Variants in ZNF805 observed in about 807,000 individuals in gnomAD.
ZNF805 encodes CTC-444N24.8.
Under a neutral mutation model 13.6 loss-of-function variants are expected in ZNF805, and 7 were observed. The ratio of observed to expected loss-of-function variants is 0.51; its 90% CI spans 0.29 to 0.97. The LOEUF (loss-of-function observed/expected upper bound fraction) is 0.97. Among genes scored for constraint, ZNF805 ranks in the 50% least tolerant of loss-of-function variants. The probability of loss-of-function intolerance (pLI) is 0.08; values close to 1 mark genes in which losing one functional copy is unlikely to be tolerated. For missense variants in ZNF805, 604 were observed against 771.0 expected, an observed-to-expected ratio of 0.78 and a Z score of 2.57; for synonymous variants, 293 against 279.8, an observed-to-expected ratio of 1.05 and a Z score of -0.47.
rs180741766 is a variant in ZNF805 at position 57,240,996 on chromosome 19, G to C, written c.30+75G>C. On this transcript the variant is annotated intron_variant, in intron 1 of 3. Coordinates refer to ENST00000414468, the MANE Select transcript of ZNF805 (RefSeq NM_001023563.4). ...GCCTCCTGGGCAGGCCGGAAGCCAAGACAGCCACAGGATTCCTCTTTGTAG... is the reference window on the plus strand; with the variant it reads ...GCCTCCTGGGCAGGCCGGAAGCCAACACAGCCACAGGATTCCTCTTTGTAG... 2.6e-3 allele frequency: 3,857 copies of C among 1,474,098 alleles called. 99 individuals carry two copies. The African/African-American group carries it at 0.049, about 19-fold the overall frequency. The allele number at this position is 1,474,098 out of a possible 1,614,324, so 91.3% of individuals were successfully genotyped here. A position where few individuals can be genotyped will look rare whatever the true frequency, so the allele number is the denominator to read the frequency against.
chr19:57,248,940 G>A (rs548565627), intron 3 of ZNF805, among the ~76,000 whole-genome samples: 50 of 152,282 alleles, frequency 3.3e-4, no homozygotes, highest in Admixed American at 1.5e-3. Flanking sequence ...CTTGTGTGCC[G>A]GAACCCTGGT....
chr19:57,247,249 G>A (rs377698725), intron 2 of ZNF805, among the ~76,000 whole-genome samples: 30 of 152,186 alleles, frequency 2.0e-4, no homozygotes, highest in African/African-American at 4.6e-4. Context: ...TTAATGGTTC[G>A]TGAAATGCTG....
rs533784856 is a variant in ZNF805, at chr19:57,259,663, T to C, written c.*4960T>C. ...CTGGGACTACAGGTGCCCGCCACCA[T>C]GCCCGGCTAATTTTTTGTATTTTTA... On this transcript the variant is annotated 3_prime_UTR_variant, in exon 4 of 4. Transcript: ENST00000414468. Among the ~76,000 whole-genome samples, 4 of 152,190 alleles carry C rather than the reference T, an allele frequency of 2.6e-5. No homozygotes were observed. Among genetic ancestry groups the C allele is most frequent in the Non-Finnish European group, 5.9e-5 (4 of 67,982 alleles).
chr19:57,260,569 C>G lies in ZNF805; in HGVS notation c.*5866C>G, dbSNP rs2087718229. On this transcript the variant is annotated 3_prime_UTR_variant, in exon 4 of 4. Coordinates refer to ENST00000414468, the MANE Select transcript of ZNF805 (RefSeq NM_001023563.4). ...CTTCTGTGAATTCCTGGCTTTTTTCCTTTTTAGGGTCTGTGTCTTTCTTCC... is the reference window on the plus strand; with the variant it reads ...CTTCTGTGAATTCCTGGCTTTTTTCGTTTTTAGGGTCTGTGTCTTTCTTCC... Among the ~76,000 whole-genome samples the G allele has an allele frequency of 6.6e-6, 1 of 152,066 alleles. No individual in the cohort carries two copies. Among genetic ancestry groups the G allele is most frequent in the African/African-American group, 2.4e-5 (1 of 41,408 alleles).
In ZNF805 at chr19:57,243,985, C is replaced by A. The variant is rs1174286905; in HGVS notation, c.93C>A (p.Asp31Glu). Reference protein sequence around the residue: ...TFTQEEWGQLDLAQRTLYQEV... With the variant: ...TFTQEEWGQLELAQRTLYQEV... ...CCCAGGAGGAGTGGGGCCAGCTGGA[C>A]CTAGCTCAGCGGACCCTGTACCAGG... Residue 31 changes from aspartate (D) to glutamate (E), a missense_variant, in exon 2 of 4, where the codon GAC becomes GAA. Physicochemically the swap from Asp to Glu is conservative, Grantham distance 45. Coordinates refer to ENST00000414468, the MANE Select transcript of ZNF805 (RefSeq NM_001023563.4). 1 of 1,614,128 alleles carries A rather than the reference C, an allele frequency of 6.2e-7. No individual in the cohort carries two copies. The highest frequency in any genetic ancestry group is 8.5e-7 in the Non-Finnish European group (1 of 1,180,016).
rs2087634974 is a variant in ZNF805 at position 57,248,837 on chromosome 19, G to A, written c.253+137G>A. ...TGGGAGCCTTGGAGCCCTTTAACCT[G>A]TGGTTTCTCCGTCCTCCCAGCCCCA... On this transcript the variant is annotated intron_variant, in intron 3 of 3. Transcript: ENST00000414468. 3 of 816,214 alleles carry A rather than the reference G, an allele frequency of 3.7e-6. No homozygotes were observed. The Admixed American group carries it at 6.8e-5, about 19-fold the overall frequency. 50.6% of individuals were successfully genotyped at this position (816,214 alleles called of 1,614,324 possible).
intron 2 of ZNF805, among the ~76,000 whole-genome samples, chr19:57,244,259 T>G (rs35658377): frequency 0.47 from 66,458 of 142,438 alleles, 16,014 homozygotes; most frequent in Non-Finnish European, 0.53. Flanking sequence ...GCTGGATGCA[T>G]TAGCACGAAC....
chr19:57,254,685 A>G lies in ZNF805; in HGVS notation c.1866A>G (p.Pro622=), dbSNP rs2087676446. Residue 622 remains proline (P), a synonymous_variant, in exon 4 of 4, where the codon CCA becomes CCG. Transcript: ENST00000414468. ...ATCGTACATACCAAAGAGAAACCCC[A>G]CAAGTGTCTTCACTGTGAGAAAACC... ...ASDRTYQRET[P]QVSSL 1 of 1,610,756 alleles carries G rather than the reference A, an allele frequency of 6.2e-7. No homozygotes were observed. Among genetic ancestry groups the G allele is most frequent in the Non-Finnish European group, 8.5e-7 (1 of 1,178,386 alleles).
chr19:57,244,199 C>A, intron 2 of ZNF805, 150 bp downstream of exon 2: 1 of 290,936 alleles, frequency 3.4e-6, no homozygotes, highest in Non-Finnish European at 5.3e-6. Flanking sequence ...TCACCTCTTC[C>A]TTTTTTTTTT....
chr19:57,240,958 C>T (rs8111661), intron 1 of ZNF805, 37 bp downstream of exon 1: 4 of 1,552,774 alleles, frequency 2.6e-6, no homozygotes, highest in East Asian at 2.4e-5. Context: ...TGCTTTTCTG[C>T]TAGTTCGGGG....
rs1384192318 is a variant in ZNF805 at position 57,257,001 on chromosome 19, C to T, written c.*2298C>T. 6.6e-6 allele frequency among the ~76,000 whole-genome samples: 1 copy of T among 152,124 alleles called. No individual in the cohort carries two copies. The highest frequency in any genetic ancestry group is 2.4e-5 in the African/African-American group (1 of 41,434). ...TTAATATGCTTTTGATTATCTTACT[C>T]AGTTCTAAGATTGCCTGATTCCTTT... On this transcript the variant is annotated 3_prime_UTR_variant, in exon 4 of 4. Coordinates refer to ENST00000414468, the MANE Select transcript of ZNF805 (RefSeq NM_001023563.4).
In ZNF805 at chr19:57,259,352, C is replaced by G. The variant is rs1315973066; in HGVS notation, c.*4649C>G. ...TACCCCCTTTTTCTGGTCTATTTTT[C>G]CCTTTTTTTCATATTGGTTAATTTC... On this transcript the variant is annotated 3_prime_UTR_variant, in exon 4 of 4. Coordinates refer to ENST00000414468, the MANE Select transcript of ZNF805 (RefSeq NM_001023563.4). Among the ~76,000 whole-genome samples, 1 of 151,614 alleles carries G rather than the reference C, an allele frequency of 6.6e-6. No homozygotes were observed. Among genetic ancestry groups the G allele is most frequent in the African/African-American group, 2.4e-5 (1 of 41,246 alleles).
chr19:57,253,033 C>T lies in ZNF805; in HGVS notation c.254-40C>T, dbSNP rs995949668. The T allele has an allele frequency of 3.3e-5, 45 of 1,358,162 alleles. No homozygotes were observed. In the Admixed American group the frequency reaches 5.2e-4, roughly 16 times the overall value. The allele number at this position is 1,358,162 out of a possible 1,614,324, so 84.1% of individuals were successfully genotyped here. A position where few individuals can be genotyped will look rare whatever the true frequency, so the allele number is the denominator to read the frequency against. ...GGTGAGTTTGTTTCTTCTCTTTTTA[C>T]ATTACTAACAAGCCCTTCTGTGTGT... On this transcript the variant is annotated intron_variant, in intron 3 of 3. Coordinates refer to ENST00000414468, the MANE Select transcript of ZNF805 (RefSeq NM_001023563.4). This position sits in a 1 kb window ranked among gnomAD's most constrained non-coding sequence, Gnocchi z 4.4.
chr19:57,245,549 A>G (rs2885167), intron 2 of ZNF805, among the ~76,000 whole-genome samples: 112,281 of 150,032 alleles, frequency 0.75, 42,353 homozygotes, highest in African/African-American at 0.83. Context: ...GGAGGCCGAG[A>G]TGGGCGGATC....
intron 1 of ZNF805, among the ~76,000 whole-genome samples, chr19:57,243,689 A>G (rs2122826305): frequency 6.6e-6 from 1 of 152,276 alleles, no homozygotes; most frequent in South Asian, 2.1e-4. Flanking sequence ...GCCATCCACG[A>G]GTTATTGCCA....
chr19:57,240,662 G>A lies in ZNF805; in HGVS notation c.-230G>A. 1 of 516,476 alleles carries A rather than the reference G, an allele frequency of 1.9e-6. No individual in the cohort carries two copies. The highest frequency in any genetic ancestry group is 3.5e-6 in the Non-Finnish European group (1 of 289,636). The allele number at this position is 516,476 out of a possible 1,614,324, so 32.0% of individuals were successfully genotyped here. Reference sequence around the variant, plus strand: ...CGTCCACGCCGGCTCTAGGGAGGGGGCGGTGTTCCGTGGCCGCCTCCCTGG... The same window carrying A: ...CGTCCACGCCGGCTCTAGGGAGGGGACGGTGTTCCGTGGCCGCCTCCCTGG... On this transcript the variant is annotated 5_prime_UTR_variant, in exon 1 of 4. Transcript: ENST00000414468.
At chr19:57,245,211 C>T (rs2087605399) in intron 2 of ZNF805, among the ~76,000 whole-genome samples, 1 of 152,186 alleles carries the variant, frequency 6.6e-6, no homozygotes, top group African/African-American at 2.4e-5. Context: ...GCTATTTCCC[C>T]AAGTGCCCAC....
At chr19:57,252,932 T>C (rs753916097) in intron 3 of ZNF805, 141 bp from the exon 4 acceptor site, 18 of 667,082 alleles carry the variant, frequency 2.7e-5, no homozygotes, top group Admixed American at 3.9e-5. Context: ...AAACAAATTA[T>C]AGATCTGGGG....
chr19:57,242,868 C>G lies in ZNF805; in HGVS notation c.31-1055C>G, dbSNP rs192991709. ...GATTATTGGGGTCACAGTATTAAAC[C>G]CTGAAGCAGAGGGACCTGGGTTAAA... On this transcript the variant is annotated intron_variant, in intron 1 of 3. Transcript: ENST00000414468. Among the ~76,000 whole-genome samples, 3 of 152,216 alleles carry G rather than the reference C, an allele frequency of 2.0e-5. No individual in the cohort carries two copies. The East Asian group carries it at 5.8e-4, about 29-fold the overall frequency.
Sources: gnomAD v4.1 joint callset for allele counts (sites outside exome capture counted in the v4.1 genomes callset) on GRCh38, gnomAD v4.1.1 for gene constraint, Gnocchi (gnomAD v3.1) non-coding constraint, MANE v1.5 for transcripts, NCBI Gene and HGNC (gene_info 2026-07-23, HGNC 2026-07-21) for gene names.